Variants in PTPRN2 observed in about 807,000 individuals in gnomAD.
PTPRN2 encodes the protein protein tyrosine phosphatase receptor type N2.
Under a neutral mutation model 118.8 loss-of-function variants are expected in PTPRN2, and 74 were observed. That is an observed-to-expected ratio of 0.62 (90% CI 0.52 to 0.76). The LOEUF (loss-of-function observed/expected upper bound fraction) is 0.76. PTPRN2 is among the 30% of genes least tolerant of loss of function. PTPRN2 has a pLI of 0.00. For synonymous variants in PTPRN2, 641 were observed against 608.0 expected (o/e 1.05, Z -0.80); for missense variants, 1,481 against 1,394.4 (o/e 1.06, Z -0.99).
intron 11 of PTPRN2, among the ~76,000 whole-genome samples, chr7:157,926,638 G>A (rs147576602): frequency 2.6e-5 from 4 of 152,228 alleles, no homozygotes; most frequent in East Asian, 3.9e-4. Context: ...GGCCTCCTAC[G>A]CACCCTCCAG....
chr7:158,064,133 C>G (rs1245365870), intron 11 of PTPRN2, among the ~76,000 whole-genome samples: 2 of 152,228 alleles, frequency 1.3e-5, no homozygotes, highest in African/African-American at 4.8e-5. Context: ...GTCTCAGCCT[C>G]TAAGTACAAA....
chr7:158,149,988 T>C (rs1035165233), intron 6 of PTPRN2, among the ~76,000 whole-genome samples: 1 of 152,212 alleles, frequency 6.6e-6, no homozygotes. Context: ...CTTTGCTGTT[T>C]GTTAAGCCTC....
chr7:158,199,464 T>A (rs745336277), intron 4 of PTPRN2, among the ~76,000 whole-genome samples: 20 of 152,234 alleles, frequency 1.3e-4, no homozygotes, highest in Non-Finnish European at 2.5e-4. Context: ...GCCACTCTGG[T>A]AAGCCCAAAA....
intron 11 of PTPRN2, among the ~76,000 whole-genome samples, chr7:158,005,317 G>A (rs1407511254): frequency 2.6e-5 from 4 of 151,896 alleles, no homozygotes; most frequent in African/African-American, 9.7e-5. Flanking sequence ...CATGTGATCC[G>A]CTCAACTCAG....
intron 12 of PTPRN2, among the ~76,000 whole-genome samples, chr7:157,705,272 C>T (rs1481159677): frequency 2.6e-5 from 4 of 152,234 alleles, no homozygotes; most frequent in African/African-American, 7.2e-5. Context: ...TACCACTGCA[C>T]TCCAGCCTGG....
At chr7:158,312,469 T>C (rs11763141) in intron 3 of PTPRN2, among the ~76,000 whole-genome samples, 139,573 of 149,250 alleles carry the variant, frequency 0.94, 65,265 homozygotes, top group Non-Finnish European at 0.96. Flanking sequence ...CTCACGTGGA[T>C]ACCCACACAT....
At chr7:157,860,924 T>C (rs777256165) in intron 12 of PTPRN2, among the ~76,000 whole-genome samples, 38 of 152,292 alleles carry the variant, frequency 2.5e-4, no homozygotes, top group Non-Finnish European at 4.3e-4. Flanking sequence ...TCAGTAGCTG[T>C]CAAAACTGGA....
chr7:157,614,021 G>C (rs1274625268), intron 15 of PTPRN2: 30 of 471,204 alleles, frequency 6.4e-5, no homozygotes, highest in Non-Finnish European at 1.3e-4. Flanking sequence ...AAGACCACAA[G>C]CAACGGGATG....
intron 11 of PTPRN2, among the ~76,000 whole-genome samples, chr7:157,995,659 G>A (rs924515456): frequency 7.9e-5 from 12 of 152,344 alleles, no homozygotes; most frequent in East Asian, 1.9e-4. Flanking sequence ...TGCCAGCCCC[G>A]CAAAGGGCAT....
intron 2 of PTPRN2, among the ~76,000 whole-genome samples, chr7:158,473,482 T>C (rs570491911): frequency 6.6e-6 from 1 of 152,328 alleles, no homozygotes; most frequent in Non-Finnish European, 1.5e-5. Flanking sequence ...TTGAGAAGCC[T>C]GCGTATCAGA....
At chr7:158,569,158 A>T (rs2129451334) in intron 1 of PTPRN2, among the ~76,000 whole-genome samples, 1 of 152,340 alleles carries the variant, frequency 6.6e-6, no homozygotes, top group Non-Finnish European at 1.5e-5. Flanking sequence ...ACATGTATGT[A>T]TGTGAAATCT....
intron 5 of PTPRN2, among the ~76,000 whole-genome samples, chr7:158,189,704 G>T (rs531028031): frequency 1.2e-4 from 18 of 152,210 alleles, no homozygotes; most frequent in Non-Finnish European, 2.5e-4. Context: ...TGGACTGCAC[G>T]TGGGTTACTT....
rs779193895 is a variant in PTPRN2 at position 158,134,040 on chromosome 7, G to T, written c.1193C>A (p.Thr398Lys). The stretch of plus-strand genomic sequence containing the variant: ...GTGGTCCTGCAGGAGGCCCCCGAGT[G>T]TGGCACTCAGACGATGGACCTGACA... ...LYQEVHRLSA[T>K]LGGLLQDHGS... Residue 398 changes from threonine (T) to lysine (K), a missense_variant, in exon 9 of 23, where the codon ACA becomes AAA. This residue lies in a region of PTPRN2 where 1,115 missense variants were observed against 994.2 expected (regional missense o/e 1.12). Transcript: ENST00000389418. The T allele has an allele frequency of 1.2e-6, 2 of 1,613,574 alleles. No individual in the cohort carries two copies. The highest frequency in any genetic ancestry group is 1.7e-6 in the Non-Finnish European group (2 of 1,179,812).
intron 2 of PTPRN2, among the ~76,000 whole-genome samples, chr7:158,393,837 C>T (rs1461090514): frequency 6.6e-6 from 1 of 152,096 alleles, no homozygotes; most frequent in Non-Finnish European, 1.5e-5. Context: ...TGGTGAGCAG[C>T]CTGGGTTCAA....
intron 2 of PTPRN2, among the ~76,000 whole-genome samples, chr7:158,480,513 C>T (rs150406413): frequency 1.7e-4 from 26 of 152,338 alleles, no homozygotes; most frequent in African/African-American, 5.1e-4. Context: ...AGAGCCGCAC[C>T]TCTCTCACTT....
intron 2 of PTPRN2, among the ~76,000 whole-genome samples, chr7:158,387,524 T>A (rs1811535033): frequency 6.6e-6 from 1 of 152,294 alleles, no homozygotes; most frequent in Admixed American, 6.5e-5. Context: ...GAAAGCACTC[T>A]CTGGGTCCTG....
At chr7:157,900,680 C>T (rs370853838) in intron 11 of PTPRN2, among the ~76,000 whole-genome samples, 1 of 152,214 alleles carries the variant, frequency 6.6e-6, no homozygotes, top group South Asian at 2.1e-4. Flanking sequence ...CAGTCCTCCT[C>T]CCAGGAAGCT....
rs570288852 is a variant in PTPRN2, at chr7:158,495,281, C to T, written c.113-5496G>A. Among the ~76,000 whole-genome samples, 209 of 152,300 alleles carry T rather than the reference C, an allele frequency of 1.4e-3. 1 individual carries two copies. Among genetic ancestry groups the T allele is most frequent in the Admixed American group, 2.6e-3 (40 of 15,308 alleles). Reference sequence around the variant, plus strand: ...AATCACATTTTTTCCTAGGAACGAACGCATCATCATAGAAAAGGAAGGTGC... The same window carrying T: ...AATCACATTTTTTCCTAGGAACGAATGCATCATCATAGAAAAGGAAGGTGC... On this transcript the variant is annotated intron_variant, in intron 1 of 22. Coordinates refer to ENST00000389418, the MANE Select transcript of PTPRN2 (RefSeq NM_002847.5).
At chr7:157,695,229 G>A (rs1030548542) in intron 12 of PTPRN2, among the ~76,000 whole-genome samples, 1 of 151,986 alleles carries the variant, frequency 6.6e-6, no homozygotes, top group Non-Finnish European at 1.5e-5. Context: ...ACAAAATAGA[G>A]AAAGACTGTT....
Sources: gnomAD v4.1 joint callset for allele counts (sites outside exome capture counted in the v4.1 genomes callset) on GRCh38, gnomAD v4.1.1 for gene constraint, gnomAD v4.1.1 regional missense constraint, MANE v1.5 for transcripts, NCBI Gene and HGNC (gene_info 2026-07-23, HGNC 2026-07-21) for gene names.